The following LRRCC1 variants were observed in gnomAD, a reference collection of about 807,000 sequenced individuals.
The protein encoded by LRRCC1 is leucine-rich repeat and coiled-coil domain-containing protein 1.
In LRRCC1, 115 loss-of-function variants were observed where a neutral mutation model predicts 126.0. The observed-to-expected ratio is 0.91, with a 90% CI of 0.78 to 1.07. The LOEUF (loss-of-function observed/expected upper bound fraction) is 1.07, where lower values mean the gene tolerates loss of function less well. Among genes scored for constraint, LRRCC1 ranks in the 50% least tolerant of loss-of-function variants. The pLI, the probability that LRRCC1 is intolerant of heterozygous loss-of-function variation, is 0.00. For synonymous variants in LRRCC1, 400 were observed against 393.4 expected (o/e 1.02, Z -0.20); for missense variants, 1,172 against 1,175.7 (o/e 1.00, Z 0.05).
In LRRCC1 at chr8:85,145,517, C is replaced by A; in HGVS notation, c.*6C>A. 6.4e-7 allele frequency: 1 copy of A among 1,572,568 alleles called. No individual in the cohort carries two copies. On this transcript the variant is annotated 3_prime_UTR_variant, in exon 19 of 19. Transcript: ENST00000360375. ...AAATTCAGCAAGATATGTGATGGTTCTGAGAATGAATTTAATTGAAATAGA... is the reference window on the plus strand; with the variant it reads ...AAATTCAGCAAGATATGTGATGGTTATGAGAATGAATTTAATTGAAATAGA...
chr8:85,130,602 G>A (rs1254540938), intron 11 of LRRCC1, among the ~76,000 whole-genome samples: 1 of 152,066 alleles, frequency 6.6e-6, no homozygotes, highest in Admixed American at 6.5e-5. Context: ...CAGCATTTGA[G>A]GTATAGGTTT....
intron 9 of LRRCC1, 80 bp downstream of exon 9, chr8:85,126,917 G>T: frequency 8.1e-7 from 1 of 1,236,908 alleles, no homozygotes; most frequent in Non-Finnish European, 1.1e-6. Context: ...ATTAGTTTCA[G>T]TGTGGTTCAA....
chr8:85,135,765 AT>A (rs36102162), intron 13 of LRRCC1, 23 bp from the exon 14 acceptor site: 700,598 of 1,112,204 alleles, frequency 0.63, 198,445 homozygotes, highest in African/African-American at 0.7. Flanking sequence ...AATAATTCTT[AT>A]TTTTTTTTTT....
chr8:85,112,294 G>A (rs971620611), intron 3 of LRRCC1, among the ~76,000 whole-genome samples: 2 of 152,102 alleles, frequency 1.3e-5, no homozygotes, highest in African/African-American at 2.4e-5. Flanking sequence ...GTACATGAAC[G>A]TTCGTATGAT....
Position 85,138,169 on chromosome 8 carries a change from T to TTG in LRRCC1, c.2628_2629insTG (p.Glu877TrpfsTer7). The TTG allele has an allele frequency of 6.2e-7, 1 of 1,611,318 alleles. No individual in the cohort carries two copies. Among genetic ancestry groups the TTG allele is most frequent in the South Asian group, 1.1e-5 (1 of 90,594 alleles). ...TACTTGAGAAGTTGGAAAGGCACAA[T>TTG]GAAAGAAAAGAAAAACTAAAACAAC... On this transcript the variant is annotated frameshift_variant, in exon 16 of 19. Coordinates refer to ENST00000360375, the MANE Select transcript of LRRCC1 (RefSeq NM_033402.5). LOFTEE classifies it high-confidence loss of function.
At position 85,126,671 on chromosome 8, in the gene LRRCC1, TTTG is replaced by T. The variant is rs1167000338; in HGVS notation, c.1273-12_1273-10del. ...GGTAACTTTTCTAAGTTCACATAAC[TTTG>T]TTGTTTTCTTTCAGTCCCTTGTTGA... On this transcript the variant is annotated splice_polypyrimidine_tract_variant and intron_variant, in intron 8 of 18. Transcript: ENST00000360375. 1.2e-6 allele frequency: 2 copies of T among 1,600,980 alleles called. No homozygotes were observed. The highest frequency in any genetic ancestry group is 1.7e-6 in the Non-Finnish European group (2 of 1,176,540).
At chr8:85,130,177 C>A (rs1563948485) in intron 11 of LRRCC1, 119 bp downstream of exon 11, 5 of 728,838 alleles carry the variant, frequency 6.9e-6, no homozygotes, top group Non-Finnish European at 1.0e-5. Flanking sequence ...GCTCTGTCGT[C>A]CAGGCTGGAG....
rs1200081287 is a variant in LRRCC1, at chr8:85,124,946, T to C, written c.1272+7T>C. 3 of 1,566,970 alleles carry C rather than the reference T, an allele frequency of 1.9e-6. No homozygotes were observed. The highest frequency in any genetic ancestry group is 1.7e-6 in the Non-Finnish European group (2 of 1,161,642). ...AGAAGACAACACTTACCAGGTATGA[T>C]TTAAGAGTTAAAGAAAAAATGAGTA... On this transcript the variant is annotated splice_region_variant and intron_variant, in intron 8 of 18. Coordinates refer to ENST00000360375, the MANE Select transcript of LRRCC1 (RefSeq NM_033402.5).
chr8:85,108,197 G>A (rs1488967060), intron 1 of LRRCC1, among the ~76,000 whole-genome samples: 1 of 152,208 alleles, frequency 6.6e-6, no homozygotes, highest in African/African-American at 2.4e-5. Context: ...CGCGAACTCT[G>A]CTACTGATAA....
intron 9 of LRRCC1, among the ~76,000 whole-genome samples, chr8:85,127,666 A>G (rs1184796207): frequency 6.6e-6 from 1 of 152,166 alleles, no homozygotes; most frequent in Non-Finnish European, 1.5e-5. Context: ...TGTGATACTG[A>G]CGTGGTGTTT....
At chr8:85,111,352 G>A (rs1208667218) in intron 3 of LRRCC1, among the ~76,000 whole-genome samples, 2 of 152,164 alleles carry the variant, frequency 1.3e-5, no homozygotes, top group Non-Finnish European at 2.9e-5. Context: ...ACTCCAGCCT[G>A]GGCAACAAGA....
rs769988433 is a variant in LRRCC1, at chr8:85,123,628, A to T, written c.1124+22A>T. 3 of 1,517,700 alleles carry T rather than the reference A, an allele frequency of 2.0e-6. No individual in the cohort carries two copies. The Admixed American group carries it at 6.8e-5, about 34-fold the overall frequency. The allele number at this position is 1,517,700 out of a possible 1,614,324, so 94.0% of individuals were successfully genotyped here. ...TAAGGTACTTGTTTTAGTTTTAGAA[A>T]TTTAAGGCACACAGAAGTTAATAAT... On this transcript the variant is annotated intron_variant, in intron 7 of 18. Transcript: ENST00000360375.
intron 3 of LRRCC1, among the ~76,000 whole-genome samples, chr8:85,111,251 C>A (rs1808695699): frequency 1.3e-5 from 2 of 152,142 alleles, no homozygotes; most frequent in South Asian, 4.1e-4. Flanking sequence ...GTGGCACATG[C>A]CTGTAATCCC....
chr8:85,132,245 G>A (rs1810521600), intron 12 of LRRCC1, among the ~76,000 whole-genome samples: 2 of 152,140 alleles, frequency 1.3e-5, no homozygotes, highest in Non-Finnish European at 1.5e-5. Flanking sequence ...CAAAACTAAA[G>A]CCCCCAGGCC....
chr8:85,137,370 T>A (rs1368127566), intron 14 of LRRCC1, 94 bp from the exon 15 acceptor site: 8 of 727,740 alleles, frequency 1.1e-5, no homozygotes, highest in Non-Finnish European at 1.6e-5. Flanking sequence ...ATTTAGTTTT[T>A]TTATTATTAT....
At position 85,135,926 on chromosome 8, in the gene LRRCC1, A is replaced by G; in HGVS notation, c.2292A>G (p.Thr764=). Residue 764 remains threonine, a synonymous_variant, in exon 14 of 19, where the codon ACA becomes ACG. Coordinates refer to ENST00000360375, the MANE Select transcript of LRRCC1 (RefSeq NM_033402.5). ...AATCACTAATATTTGGTTTAAGGAC[A>G]GAAAGAAAAGTATGGGGACATGAGC... ...AKESLIFGLR[T]ERKVWGHELA... is the part of the protein sequence containing the mutation. 1.9e-6 allele frequency: 3 copies of G among 1,599,396 alleles called. No homozygotes were observed. Among genetic ancestry groups the G allele is most frequent in the Non-Finnish European group, 2.6e-6 (3 of 1,172,944 alleles).
Position 85,129,386 on chromosome 8 carries a change from C to T in LRRCC1, c.1626+7C>T, listed in dbSNP as rs1452974538. ...GCAGCAGCAGGCAGCACAGGTATTT[C>T]TCTATTTTAATATATGAGTAGCACA... On this transcript the variant is annotated splice_region_variant and intron_variant, in intron 10 of 18. Transcript: ENST00000360375. 12 of 1,597,066 alleles carry T rather than the reference C, an allele frequency of 7.5e-6. No homozygotes were observed. Among genetic ancestry groups the T allele is most frequent in the African/African-American group, 1.4e-5 (1 of 73,690 alleles).
intron 6 of LRRCC1, among the ~76,000 whole-genome samples, chr8:85,116,066 C>A (rs1309243177): frequency 6.6e-6 from 1 of 152,180 alleles, no homozygotes; most frequent in Non-Finnish European, 1.5e-5. Flanking sequence ...TCAATCTATA[C>A]TTTCCTGAGC....
intron 6 of LRRCC1, among the ~76,000 whole-genome samples, chr8:85,119,201 A>C (rs1046528573): frequency 6.6e-6 from 1 of 151,636 alleles, no homozygotes; most frequent in Non-Finnish European, 1.5e-5. Context: ...TTTTTCAGTT[A>C]ATTTGTCCAT....
Sources: allele counts gnomAD v4.1 joint callset (sites outside exome capture counted in the v4.1 genomes callset), GRCh38; gene constraint gnomAD v4.1.1; transcripts MANE v1.5; gene names NCBI Gene and HGNC (gene_info 2026-07-23, HGNC 2026-07-21).